Variants in SPATA6 observed in about 807,000 individuals in gnomAD.
SPATA6 encodes the protein spermatogenesis associated 6.
In SPATA6, 56 loss-of-function variants were observed where a neutral mutation model predicts 65.3. The ratio of observed to expected loss-of-function variants is 0.86; its 90% CI spans 0.69 to 1.07. The LOEUF (loss-of-function observed/expected upper bound fraction) is 1.07, where lower values mean the gene tolerates loss of function less well. Ranked by LOEUF, SPATA6 falls within the 50% of genes least tolerant of loss-of-function variation. SPATA6 has a pLI of 0.00. For missense variants in SPATA6, 590 were observed against 594.8 expected, an observed-to-expected ratio of 0.99 and a Z score of 0.08; for synonymous variants, 199 against 213.2, an observed-to-expected ratio of 0.93 and a Z score of 0.58.
intron 9 of SPATA6, among the ~76,000 whole-genome samples, chr1:48,373,434 C>T (rs1443950861): frequency 4.6e-5 from 7 of 152,168 alleles, no homozygotes; most frequent in Non-Finnish European, 1.0e-4. Context: ...AGAATTTTTG[C>T]CAAAGCCATT....
intron 11 of SPATA6, among the ~76,000 whole-genome samples, chr1:48,351,049 G>T (rs1320054016): frequency 6.6e-6 from 1 of 151,878 alleles, no homozygotes; most frequent in South Asian, 2.1e-4. Flanking sequence ...GTGTCTTCTA[G>T]TTCTCAGCAT....
At chr1:48,393,190 C>G (rs1448702150) in intron 8 of SPATA6, 1 of 152,004 alleles carries the variant, frequency 6.6e-6, no homozygotes, top group Non-Finnish European at 1.5e-5. Context: ...TGGAGAAAAC[C>G]AGCACATCCA....
chr1:48,442,561 G>C (rs1429348188), intron 3 of SPATA6, among the ~76,000 whole-genome samples: 1 of 151,494 alleles, frequency 6.6e-6, no homozygotes, highest in Non-Finnish European at 1.5e-5. Context: ...GACTGAGAGA[G>C]AGGAAGAGAC....
intron 11 of SPATA6, among the ~76,000 whole-genome samples, chr1:48,311,091 A>C (rs532202230): frequency 6.6e-6 from 1 of 152,272 alleles, no homozygotes; most frequent in Non-Finnish European, 1.5e-5. Context: ...TTCTAGAGGA[A>C]CATGGCTATA....
intron 11 of SPATA6, among the ~76,000 whole-genome samples, chr1:48,351,326 T>C (rs556198887): frequency 6.6e-6 from 1 of 152,086 alleles, no homozygotes; most frequent in African/African-American, 2.4e-5. Context: ...TGACTTTTAT[T>C]TTACTTGCCT....
At chr1:48,400,905 T>TA in intron 6 of SPATA6, 1 of 1,043,564 alleles carries the variant, frequency 9.6e-7, no homozygotes, top group African/African-American at 1.7e-5. Context: ...CCCATCTCTG[T>TA]GACATCACAG....
At chr1:48,418,328 G>A (rs976470880) in intron 3 of SPATA6, among the ~76,000 whole-genome samples, 5 of 151,890 alleles carry the variant, frequency 3.3e-5, no homozygotes, top group African/African-American at 4.8e-5. Flanking sequence ...AAACTTGACT[G>A]ACCTTACAAT....
At chr1:48,329,575 G>C (rs1645856345) in intron 11 of SPATA6, among the ~76,000 whole-genome samples, 1 of 152,194 alleles carries the variant, frequency 6.6e-6, no homozygotes, top group Non-Finnish European at 1.5e-5. Context: ...TTCTATACTT[G>C]TGTTTAAAAG....
chr1:48,323,982 C>A (rs1418926404), intron 11 of SPATA6, among the ~76,000 whole-genome samples: 1 of 152,118 alleles, frequency 6.6e-6, no homozygotes, highest in African/African-American at 2.4e-5. Flanking sequence ...TGGGATCTCA[C>A]TCTGTTGCCC....
chr1:48,429,832 T>C (rs1043439651), intron 3 of SPATA6, among the ~76,000 whole-genome samples: 1 of 152,044 alleles, frequency 6.6e-6, no homozygotes, highest in South Asian at 2.1e-4. Context: ...AGCTGAAACA[T>C]ACAATAACTA....
intron 1 of SPATA6, among the ~76,000 whole-genome samples, chr1:48,463,001 G>A (rs528189133): frequency 1.5e-4 from 23 of 152,200 alleles, no homozygotes; most frequent in African/African-American, 5.5e-4. Context: ...CCTTGAGCTC[G>A]GACATCCATC....
At chr1:48,345,195 A>G (rs1211312991) in intron 11 of SPATA6, among the ~76,000 whole-genome samples, 2 of 151,754 alleles carry the variant, frequency 1.3e-5, no homozygotes, top group African/African-American at 2.4e-5. Flanking sequence ...AACCCATTCA[A>G]ACAGATACAA....
intron 3 of SPATA6, among the ~76,000 whole-genome samples, chr1:48,417,815 G>A (rs538906961): frequency 5.9e-5 from 9 of 152,094 alleles, no homozygotes; most frequent in Non-Finnish European, 1.3e-4. Context: ...CAGACAGAGC[G>A]AGACTCCATC....
intron 6 of SPATA6, among the ~76,000 whole-genome samples, chr1:48,403,247 T>A (rs1004834612): frequency 6.6e-6 from 1 of 152,090 alleles, no homozygotes; most frequent in African/African-American, 2.4e-5. Context: ...AAAGCTGTTT[T>A]CAAAAACATA....
intron 11 of SPATA6, among the ~76,000 whole-genome samples, chr1:48,307,056 C>A (rs1645078713): frequency 2.0e-5 from 3 of 151,606 alleles, no homozygotes; most frequent in South Asian, 4.2e-4. Flanking sequence ...ATTGGATGTT[C>A]CTTATTTTTA....
chr1:48,316,585 G>T (rs951242225), intron 11 of SPATA6, among the ~76,000 whole-genome samples: 1 of 152,062 alleles, frequency 6.6e-6, no homozygotes, highest in Non-Finnish European at 1.5e-5. Flanking sequence ...AACCCTAGAA[G>T]AAAACCTAGG....
At chr1:48,379,901 T>TA (rs1044604320) in intron 9 of SPATA6, among the ~76,000 whole-genome samples, 6 of 152,192 alleles carry the variant, frequency 3.9e-5, no homozygotes, top group African/African-American at 1.4e-4. Context: ...TTTACGTGTA[T>TA]GATAGCCTTA....
At chr1:48,365,079 T>C (rs545180011) in intron 9 of SPATA6, among the ~76,000 whole-genome samples, 1 of 152,214 alleles carries the variant, frequency 6.6e-6, no homozygotes, top group Non-Finnish European at 1.5e-5. Flanking sequence ...TGCTTGTTTT[T>C]CTCAGGTTTG....
chr1:48,281,927 C>G, the SPATA6 span, among the ~76,000 whole-genome samples: 4 of 152,172 alleles, frequency 2.6e-5, no homozygotes, highest in Non-Finnish European at 5.9e-5. Context: ...TACCTGACTT[C>G]AAACTATACT....
Sources: gnomAD v4.1 joint callset for allele counts (sites outside exome capture counted in the v4.1 genomes callset) on GRCh38, gnomAD v4.1.1 for gene constraint, MANE v1.5 for transcripts, NCBI Gene and HGNC (gene_info 2026-07-23, HGNC 2026-07-21) for gene names.